The following PLSCR4 variants were observed in gnomAD, a reference collection of about 807,000 sequenced individuals.
PLSCR4 encodes the protein Ca(2+)-dependent phospholipid scramblase 4.
Under a neutral mutation model 36.3 loss-of-function variants are expected in PLSCR4, and 25 were observed. The observed-to-expected ratio is 0.69, with a 90% CI of 0.50 to 0.96. The LOEUF is 0.96. Ranked by LOEUF, PLSCR4 falls within the 40% of genes least tolerant of loss-of-function variation. The pLI, the probability that PLSCR4 is intolerant of heterozygous loss-of-function variation, is 0.00. For missense variants in PLSCR4, 408 were observed against 414.7 expected (o/e 0.98, Z 0.14); for synonymous variants, 122 against 132.9 (o/e 0.92, Z 0.56).
At chr3:146,203,324 C>G (rs1366628364) in intron 4 of PLSCR4, among the ~76,000 whole-genome samples, 1 of 151,760 alleles carries the variant, frequency 6.6e-6, no homozygotes. Context: ...TCCATCAGAG[C>G]TCTTGGGTGA....
chr3:146,196,413 T>C, intron 7 of PLSCR4: 1 of 491,712 alleles, frequency 2.0e-6, no homozygotes, highest in East Asian at 3.2e-5. Flanking sequence ...CTTTTTATTT[T>C]TATCAAGTAC....
At chr3:146,229,596 TATTTATTTATTTA>T (rs1393839920) in intron 1 of PLSCR4, among the ~76,000 whole-genome samples, 7,897 of 110,650 alleles carry the variant, frequency 0.071, 636 homozygotes, top group African/African-American at 0.24. Flanking sequence ...ATTTTTCATT[TATTTATTTATTTA>T]TTTATTTATT....
At position 146,203,777 on chromosome 3, in the gene PLSCR4, G is replaced by C. The variant is rs2034172557; in HGVS notation, c.355-2700C>G. Among the ~76,000 whole-genome samples the C allele has an allele frequency of 3.3e-5, 5 of 152,036 alleles. No individual in the cohort carries two copies. The South Asian group carries it at 1.0e-3, about 32-fold the overall frequency. ...TTTGGCTTAAGGAAATGTTGTGACTGGTTTGATCTTCTTTCTAGACCACTA... is the reference window on the plus strand; with the variant it reads ...TTTGGCTTAAGGAAATGTTGTGACTCGTTTGATCTTCTTTCTAGACCACTA... On this transcript the variant is annotated intron_variant, in intron 4 of 8. Transcript: ENST00000354952.
At chr3:146,213,322 T>C (rs2034720046) in intron 3 of PLSCR4, among the ~76,000 whole-genome samples, 1 of 146,950 alleles carries the variant, frequency 6.8e-6, no homozygotes, top group African/African-American at 2.5e-5. Flanking sequence ...ATGCAGCATT[T>C]AGTAAAATTT....
At chr3:146,217,621 T>G (rs1435754579) in intron 3 of PLSCR4, among the ~76,000 whole-genome samples, 1 of 152,140 alleles carries the variant, frequency 6.6e-6, no homozygotes, top group African/African-American at 2.4e-5. Context: ...AAATGGTAAT[T>G]GACATTTAAG....
rs146714444 is a variant in PLSCR4, at chr3:146,199,763, T to C, written c.624+50A>G. The C allele has an allele frequency of 7.1e-6, 10 of 1,408,554 alleles. No individual in the cohort carries two copies. In the Admixed American group the frequency reaches 1.2e-4, roughly 17 times the overall value. The allele number at this position is 1,408,554 out of a possible 1,614,324, so 87.3% of individuals were successfully genotyped here. On this transcript the variant is annotated intron_variant, in intron 6 of 8. Transcript: ENST00000354952. ...GTAGTGGAAGGAGCACACTATGCCA[T>C]GAAGAGTTAGATCAGAAGCAAGCTG...
intron 4 of PLSCR4, among the ~76,000 whole-genome samples, chr3:146,202,372 A>T (rs2034094048): frequency 6.6e-6 from 1 of 152,088 alleles, no homozygotes. Flanking sequence ...TATTGAATCT[A>T]AAATTATGTT....
intron 3 of PLSCR4, among the ~76,000 whole-genome samples, chr3:146,214,376 GCC>G (rs2108270052): frequency 1.0e-4 from 1 of 9,696 alleles, no homozygotes; most frequent in Non-Finnish European, 3.0e-4. Flanking sequence ...GCCCGCCTTG[GCC>G]TCCCAAAGTG....
intron 1 of PLSCR4, 36 bp from the exon 2 acceptor site, chr3:146,222,128 A>T (rs1436297880): frequency 1.1e-5 from 9 of 812,206 alleles, no homozygotes; most frequent in Non-Finnish European, 1.6e-5. Context: ...TTTAAAATAC[A>T]TACATAATAA....
chr3:146,244,157 C>T (rs1205128910), intron 1 of PLSCR4, among the ~76,000 whole-genome samples: 3 of 152,110 alleles, frequency 2.0e-5, no homozygotes, highest in Non-Finnish European at 4.4e-5. Context: ...ACAGATTGTC[C>T]ACATGGGTGA....
At chr3:146,234,791 T>TA (rs952970822) in intron 1 of PLSCR4, among the ~76,000 whole-genome samples, 20 of 152,174 alleles carry the variant, frequency 1.3e-4, no homozygotes, top group African/African-American at 4.6e-4. Flanking sequence ...GATCTGATCC[T>TA]AAGCATCTGA....
intron 3 of PLSCR4, among the ~76,000 whole-genome samples, chr3:146,209,971 G>A (rs139574004): frequency 0.01 from 1,542 of 152,040 alleles, 19 homozygotes; most frequent in African/African-American, 0.035. Flanking sequence ...CAGTATAGTC[G>A]TCCCTTGATA....
At chr3:146,235,562 A>C (rs1243162405) in intron 1 of PLSCR4, among the ~76,000 whole-genome samples, 1 of 152,126 alleles carries the variant, frequency 6.6e-6, no homozygotes, top group Admixed American at 6.6e-5. Flanking sequence ...GCAAGAATGG[A>C]CTAATACAGA....
chr3:146,230,119 C>T (rs1165433688), intron 1 of PLSCR4, among the ~76,000 whole-genome samples: 2 of 151,948 alleles, frequency 1.3e-5, no homozygotes, highest in African/African-American at 4.8e-5. Flanking sequence ...GGAAGTAGGC[C>T]CCTAAGCCTG....
At position 146,220,842 on chromosome 3, in the gene PLSCR4, G is replaced by T; in HGVS notation, c.91C>A (p.Pro31Thr). Residue 31 changes from proline to threonine, a missense_variant, in exon 3 of 9, where the codon CCT becomes ACT. Coordinates refer to ENST00000354952, the MANE Select transcript of PLSCR4 (RefSeq NM_020353.3). ...KPPDPRPDAPPEYNSHFLPGP... is the reference protein window; with the variant it reads ...KPPDPRPDAPTEYNSHFLPGP... Reference sequence around the variant, plus strand: ...GGTAAAAAATGAGAATTGTATTCAGGAGGAGCATCAGGCCTTGGATCTGGT... The same window carrying T: ...GGTAAAAAATGAGAATTGTATTCAGTAGGAGCATCAGGCCTTGGATCTGGT... 1 of 1,611,314 alleles carries T rather than the reference G, an allele frequency of 6.2e-7. No homozygotes were observed. The highest frequency in any genetic ancestry group is 1.1e-5 in the South Asian group (1 of 90,982).
Position 146,195,228 on chromosome 3 carries a change from C to A in PLSCR4, c.841G>T (p.Gly281Cys). The change falls in exon 8 of 9, where the codon GGT becomes TGT. Residue 281 changes from glycine (G) to cysteine (C), a missense_variant. Transcript: ENST00000354952. ...NIGSIIRKWNGLLSAMADADH... is the reference protein window; with the variant it reads ...NIGSIIRKWNCLLSAMADADH... ...GCATCTGCCATTGCTGATAACAAAC[C>A]ATTCCACTTCCGGATAATACTGCCG... 6.2e-7 allele frequency: 1 copy of A among 1,613,730 alleles called. No individual in the cohort carries two copies. Among genetic ancestry groups the A allele is most frequent in the Non-Finnish European group, 8.5e-7 (1 of 1,179,690 alleles).
At chr3:146,225,337 C>A (rs1011358660) in intron 1 of PLSCR4, among the ~76,000 whole-genome samples, 1 of 152,242 alleles carries the variant, frequency 6.6e-6, no homozygotes, top group African/African-American at 2.4e-5. Flanking sequence ...CTCTCCACTT[C>A]CCCACCAGAC....
In PLSCR4 at chr3:146,206,735, G is replaced by A. The variant is rs1010003877; in HGVS notation, c.145C>T (p.Pro49Ser). 6.3e-7 allele frequency: 1 copy of A among 1,599,538 alleles called. No homozygotes were observed. The highest frequency in any genetic ancestry group is 8.5e-7 in the Non-Finnish European group (1 of 1,171,868). ...PGPPGTAVPP[P>S]TGYPGGLPMG... The stretch of plus-strand genomic sequence containing the variant: ...GGCAAGCCTCCTGGGTAGCCAGTAG[G>A]TGGAGGGACAGCTGTTCCAGGGGGT... Residue 49 changes from proline (P) to serine (S), a missense_variant, in exon 4 of 9, where the codon CCT becomes TCT. Coordinates refer to ENST00000354952, the MANE Select transcript of PLSCR4 (RefSeq NM_020353.3).
intron 1 of PLSCR4, among the ~76,000 whole-genome samples, chr3:146,241,233 C>T (rs749566668): frequency 1.4e-4 from 22 of 152,082 alleles, no homozygotes; most frequent in African/African-American, 5.1e-4. Context: ...TGAAATTATT[C>T]TAACATTAGA....
Sources: allele counts gnomAD v4.1 joint callset (sites outside exome capture counted in the v4.1 genomes callset), GRCh38; gene constraint gnomAD v4.1.1; transcripts MANE v1.5; gene names NCBI Gene and HGNC (gene_info 2026-07-23, HGNC 2026-07-21).